CAAP1: variants seen among roughly 807,000 people sequenced by gnomAD.
The protein encoded by CAAP1 is conserved anti-apoptotic protein.
CAAP1 carries 20 observed loss-of-function variants against 34.0 expected under a neutral mutation model. The ratio of observed to expected loss-of-function variants is 0.59; its 90% CI spans 0.41 to 0.86. The LOEUF (loss-of-function observed/expected upper bound fraction) is 0.86, where lower values mean the gene tolerates loss of function less well. CAAP1 is among the 40% of genes least tolerant of loss of function. The pLI, the probability that CAAP1 is intolerant of heterozygous loss-of-function variation, is 0.00. For missense variants in CAAP1, 538 were observed against 450.5 expected (o/e 1.19, Z -1.76); for synonymous variants, 213 against 166.7 (o/e 1.28, Z -2.14).
chr9:26,858,695 C>T (rs1042072009), intron 5 of CAAP1, among the ~76,000 whole-genome samples: 5 of 151,880 alleles, frequency 3.3e-5, no homozygotes, highest in Non-Finnish European at 7.4e-5. Context: ...TGGTGGGGAG[C>T]GCCTGTAGTC....
At chr9:26,871,387 G>A (rs762060614) in intron 4 of CAAP1, among the ~76,000 whole-genome samples, 11 of 152,074 alleles carry the variant, frequency 7.2e-5, no homozygotes, top group Non-Finnish European at 1.2e-4. Flanking sequence ...AGACGAGCCT[G>A]GCCAGCATGG....
intron 4 of CAAP1, among the ~76,000 whole-genome samples, chr9:26,883,601 G>GA (rs1823655027): frequency 6.6e-6 from 1 of 151,796 alleles, no homozygotes; most frequent in East Asian, 1.9e-4. Flanking sequence ...TCAAAAACTG[G>GA]AAAAAAATAA....
intron 4 of CAAP1, among the ~76,000 whole-genome samples, chr9:26,865,813 C>T (rs961159432): frequency 2.6e-5 from 4 of 152,032 alleles, no homozygotes; most frequent in South Asian, 4.2e-4. Context: ...AGGAAGGTTT[C>T]GTAGTAGTAA....
In CAAP1 at chr9:26,848,944, T is replaced by C. The variant is rs192226036; in HGVS notation, c.740-6297A>G. 6.8e-4 allele frequency among the ~76,000 whole-genome samples: 103 copies of C among 152,338 alleles called. 1 individual carries two copies. Among genetic ancestry groups the C allele is most frequent in the African/African-American group, 2.3e-3 (97 of 41,586 alleles). On this transcript the variant is annotated intron_variant, in intron 5 of 5. Transcript: ENST00000333916. ...GTTCTGAAAAATTATTCCATTTATT[T>C]ATATGTCAGTGATGAATCTGAGCAG... is the stretch of plus-strand genomic sequence containing the variant.
intron 5 of CAAP1, among the ~76,000 whole-genome samples, chr9:26,855,906 A>G (rs1822859364): frequency 6.6e-6 from 1 of 152,198 alleles, no homozygotes; most frequent in Admixed American, 6.5e-5. Context: ...GAGTGTGTCT[A>G]AGATCCTATG....
At chr9:26,874,309 A>G (rs1424899638) in intron 4 of CAAP1, among the ~76,000 whole-genome samples, 1 of 152,092 alleles carries the variant, frequency 6.6e-6, no homozygotes, top group Non-Finnish European at 1.5e-5. Context: ...CATACAATGA[A>G]TAATGATGAA....
Position 26,892,453 on chromosome 9 carries a change from C to A in CAAP1, c.263G>T (p.Arg88Met), listed in dbSNP as rs764411124. 6.3e-7 allele frequency: 1 copy of A among 1,586,166 alleles called. No homozygotes were observed. Reference protein sequence around the residue: ...SVERSERRKRRSTDSSSVSGS... With the variant: ...SVERSERRKRMSTDSSSVSGS... ...CGAGACGCTGGAAGAGTCGGTACTC[C>A]TCCGCTTCCGGCGCTCGCTGCGCTC... is the stretch of plus-strand genomic sequence containing the variant. The change falls in exon 1 of 6, where the codon AGG becomes ATG. Residue 88 changes from arginine (R) to methionine (M), a missense_variant. By Grantham distance (91) the Arg-to-Met change is moderately conservative. Around this residue, in one of 3 missense-constraint regions of CAAP1, gnomAD observed 514 missense variants for 408.4 expected, o/e 1.26. Transcript: ENST00000333916.
At chr9:26,888,721 T>C (rs927780131) in intron 1 of CAAP1, among the ~76,000 whole-genome samples, 1 of 152,248 alleles carries the variant, frequency 6.6e-6, no homozygotes, top group African/African-American at 2.4e-5. Context: ...AAAGTTACCA[T>C]ATGACCCAGC....
chr9:26,892,691 C>G lies in CAAP1; in HGVS notation c.25G>C (p.Glu9Gln). MTGKKSSR[E>Q]KRRKRSSQEA... Reference sequence around the variant, plus strand: ...TGACTGCTACGTTTGCGCCGTTTCTCCCGGGAGGACTTTTTCCCCGTCATG... The same window carrying G: ...TGACTGCTACGTTTGCGCCGTTTCTGCCGGGAGGACTTTTTCCCCGTCATG... Residue 9 changes from glutamate to glutamine, a missense_variant, in exon 1 of 6, where the codon GAG becomes CAG. Physicochemically the swap from Glu to Gln is conservative, Grantham distance 29 (BLOSUM62 2). Around this residue, in one of 3 missense-constraint regions of CAAP1, gnomAD observed 514 missense variants for 408.4 expected, o/e 1.26. Coordinates refer to ENST00000333916, the MANE Select transcript of CAAP1 (RefSeq NM_024828.4). 1 of 1,601,086 alleles carries G rather than the reference C, an allele frequency of 6.2e-7. No homozygotes were observed. Among genetic ancestry groups the G allele is most frequent in the Non-Finnish European group, 8.5e-7 (1 of 1,177,020 alleles).
At position 26,849,963 on chromosome 9, in the gene CAAP1, C is replaced by T. The variant is rs553236346; in HGVS notation, c.740-7316G>A. 1.3e-4 allele frequency among the ~76,000 whole-genome samples: 19 copies of T among 151,976 alleles called. No homozygotes were observed. The South Asian group carries it at 1.7e-3, about 13-fold the overall frequency. On this transcript the variant is annotated intron_variant, in intron 5 of 5. Transcript: ENST00000333916. Reference sequence around the variant, plus strand: ...ACACCATTCTCCTGCCTCAGCCTCGCGAGTAGCTGGGACTACAGACACCCG... The same window carrying T: ...ACACCATTCTCCTGCCTCAGCCTCGTGAGTAGCTGGGACTACAGACACCCG...
Position 26,886,126 on chromosome 9 carries a change from T to C in CAAP1, c.567A>G (p.Lys189=). 1 of 1,555,100 alleles carries C rather than the reference T, an allele frequency of 6.4e-7. No individual in the cohort carries two copies. The highest frequency in any genetic ancestry group is 8.7e-7 in the Non-Finnish European group (1 of 1,154,898). The change falls in exon 3 of 6, where the codon AAA becomes AAG. Residue 189 remains lysine, a synonymous_variant. Transcript: ENST00000333916. ...CQEQLELLSE[K]KILKILEGDN... ...TACCCTCAAGAATCTTCAAAATTTT[T>C]TTTTCAGACAGGAGCTCTAACTGTT...
chr9:26,867,526 G>GT (rs1823167736), intron 4 of CAAP1, among the ~76,000 whole-genome samples: 1 of 152,166 alleles, frequency 6.6e-6, no homozygotes, highest in African/African-American at 2.4e-5. Flanking sequence ...ATGTGGCTAT[G>GT]TGGGGGGATT....
At chr9:26,843,457 G>C (rs12351123) in intron 5 of CAAP1, among the ~76,000 whole-genome samples, 2 of 151,514 alleles carry the variant, frequency 1.3e-5, no homozygotes, top group African/African-American at 4.9e-5. Context: ...TATGTTTTTT[G>C]TGTGTTTTTC....
At chr9:26,843,779 AATG>A (rs1220549636) in intron 5 of CAAP1, among the ~76,000 whole-genome samples, 1 of 152,044 alleles carries the variant, frequency 6.6e-6, no homozygotes, top group Non-Finnish European at 1.5e-5. Flanking sequence ...TTTTATAATC[AATG>A]ATGATTTACT....
intron 5 of CAAP1, among the ~76,000 whole-genome samples, chr9:26,852,529 C>T (rs975287635): frequency 2.6e-5 from 4 of 151,886 alleles, no homozygotes; most frequent in Non-Finnish European, 4.4e-5. Flanking sequence ...GAAGGGAAGG[C>T]TTCATAGATA....
At position 26,892,723 on chromosome 9, in the gene CAAP1, C is replaced by T. The variant is rs376562977; in HGVS notation, c.-8G>A. On this transcript the variant is annotated 5_prime_UTR_variant, in exon 1 of 6. Coordinates refer to ENST00000333916, the MANE Select transcript of CAAP1 (RefSeq NM_024828.4). ...GGACTTTTTCCCCGTCATGATCCCTCTGCTGCAACCATCGGAGGAAAGTCC... is the reference window on the plus strand; with the variant it reads ...GGACTTTTTCCCCGTCATGATCCCTTTGCTGCAACCATCGGAGGAAAGTCC... 1.1e-5 allele frequency: 17 copies of T among 1,574,518 alleles called. No individual in the cohort carries two copies. In the East Asian group the frequency reaches 2.2e-4, roughly 21 times the overall value.
At position 26,892,468 on chromosome 9, in the gene CAAP1, T is replaced by A; in HGVS notation, c.248A>T (p.Glu83Val). The A allele has an allele frequency of 6.4e-7, 1 of 1,567,332 alleles. No homozygotes were observed. The highest frequency in any genetic ancestry group is 2.4e-5 in the East Asian group (1 of 41,972). Residue 83 changes from glutamate (E) to valine (V), a missense_variant, in exon 1 of 6, where the codon GAG (glutamate) becomes GTG (valine). This residue lies in a region of CAAP1 where 514 missense variants were observed against 408.4 expected (regional missense o/e 1.26). Coordinates refer to ENST00000333916, the MANE Select transcript of CAAP1 (RefSeq NM_024828.4). ...CWGGSSVERSERRKRRSTDSS... is the reference protein window; with the variant it reads ...CWGGSSVERSVRRKRRSTDSS... ...GTCGGTACTCCTCCGCTTCCGGCGC[T>A]CGCTGCGCTCCACGCTGCTCCCGCC...
chr9:26,856,425 G>T (rs188274128), intron 5 of CAAP1, among the ~76,000 whole-genome samples: 30 of 152,282 alleles, frequency 2.0e-4, no homozygotes, highest in Admixed American at 2.0e-3. Flanking sequence ...GCAAAAAAGA[G>T]TGTATATTTC....
At position 26,870,896 on chromosome 9, in the gene CAAP1, C is replaced by T. The variant is rs577268085; in HGVS notation, c.666-9757G>A. On this transcript the variant is annotated intron_variant, in intron 4 of 5. Coordinates refer to ENST00000333916, the MANE Select transcript of CAAP1 (RefSeq NM_024828.4). The stretch of plus-strand genomic sequence containing the variant: ...CCCCCTAAAGAGCTGGGATTACAGG[C>T]GTGAGCCACCGCGCCCAGCCGCAGG... Among the ~76,000 whole-genome samples, 11 of 152,176 alleles carry T rather than the reference C, an allele frequency of 7.2e-5. No individual in the cohort carries two copies. In the South Asian group the frequency reaches 1.9e-3, roughly 26 times the overall value.
Sources: gnomAD v4.1 joint callset for allele counts (sites outside exome capture counted in the v4.1 genomes callset) on GRCh38, gnomAD v4.1.1 for gene constraint, gnomAD v4.1.1 regional missense constraint, MANE v1.5 for transcripts, NCBI Gene and HGNC (gene_info 2026-07-23, HGNC 2026-07-21) for gene names.